The following MASP2 variants were observed in gnomAD, a reference collection of about 807,000 sequenced individuals.
The protein encoded by MASP2 is mannan-binding lectin serine protease 2.
In MASP2, 49 loss-of-function variants were observed where a neutral mutation model predicts 57.1. The observed-to-expected ratio is 0.86, with a 90% CI of 0.68 to 1.09. The LOEUF (loss-of-function observed/expected upper bound fraction) is 1.09. MASP2 is among the 50% of genes least tolerant of loss of function. The pLI is 0.00. For missense variants in MASP2, 900 were observed against 874.8 expected (o/e 1.03, Z -0.36); for synonymous variants, 379 against 340.8 (o/e 1.11, Z -1.24).
chr1:11,035,274 G>A (rs75943109), intron 7 of MASP2, among the ~76,000 whole-genome samples: 12,885 of 151,946 alleles, frequency 0.085, 1,137 homozygotes, highest in East Asian at 0.23. Context: ...CTGTAATCCC[G>A]ACACTCCTGG....
rs368813258 is a variant in MASP2 at position 11,030,844 on chromosome 1, G to A, written c.1126C>T (p.Arg376Ter). The A allele has an allele frequency of 9.9e-6, 16 of 1,613,680 alleles. No individual in the cohort carries two copies. The highest frequency in any genetic ancestry group is 9.9e-5 in the South Asian group (9 of 91,042). Residue 376 changes from arginine (R) to a stop codon, truncating the protein, a stop_gained, in exon 9 of 11, where the codon CGA becomes TGA. Coordinates refer to ENST00000400897, the MANE Select transcript of MASP2 (RefSeq NM_006610.4). LOFTEE classifies it high-confidence loss of function. ...CCAGGACCTGTGATGTACTCCACTC[G>A]GCCACTGGGTAGATCATCAGGAGGG... Reference protein sequence around the residue: ...CGPPDDLPSGRVEYITGPGVT... With the variant: ...CGPPDDLPSG
chr1:11,046,830 T>C, intron 2 of MASP2, 61 bp downstream of exon 2: 1 of 1,549,282 alleles, frequency 6.5e-7, no homozygotes, highest in Middle Eastern at 1.7e-4. Context: ...CCCTGAACCC[T>C]GGCTACTCCT....
At position 11,026,908 on chromosome 1, in the gene MASP2, C is replaced by T. The variant is rs762811177; in HGVS notation, c.2038G>A (p.Glu680Lys). Residue 680 changes from glutamate (E) to lysine (K), a missense_variant, in exon 11 of 11, where the codon GAG becomes AAG. Coordinates refer to ENST00000400897, the MANE Select transcript of MASP2 (RefSeq NM_006610.4). ...TKVINYIPWI[E>K]NIISDF is the part of the protein sequence containing the mutation. Reference sequence around the variant, plus strand: ...AGTTAAAAATCACTAATTATGTTCTCGATCCAGGGAATATAGTTAATAACT... The same window carrying T: ...AGTTAAAAATCACTAATTATGTTCTTGATCCAGGGAATATAGTTAATAACT... The T allele has an allele frequency of 4.0e-6, 6 of 1,484,972 alleles. No individual in the cohort carries two copies. Among genetic ancestry groups the T allele is most frequent in the East Asian group, 2.4e-5 (1 of 41,638 alleles). The allele number at this position is 1,484,972 out of a possible 1,614,324, so 92.0% of individuals were successfully genotyped here.
At position 11,030,856 on chromosome 1, in the gene MASP2, G is replaced by T. The variant is rs1300077073; in HGVS notation, c.1114C>A (p.Leu372Ile). 1 of 1,613,764 alleles carries T rather than the reference G, an allele frequency of 6.2e-7. No homozygotes were observed. The highest frequency in any genetic ancestry group is 1.7e-5 in the Admixed American group (1 of 59,936). ...SIVDCGPPDD[L>I]PSGRVEYITG... is the part of the protein sequence containing the mutation. Reference sequence around the variant, plus strand: ...ATGTACTCCACTCGGCCACTGGGTAGATCATCAGGAGGGCCACAGTCAACA... The same window carrying T: ...ATGTACTCCACTCGGCCACTGGGTATATCATCAGGAGGGCCACAGTCAACA... The change falls in exon 9 of 11, where the codon CTA becomes ATA. Residue 372 changes from leucine to isoleucine, a missense_variant. Leu to Ile is a conservative substitution (Grantham distance 5). Transcript: ENST00000400897.
rs1040889733 is a variant in MASP2, at chr1:11,031,935, CT to C, written c.1088-1054del. Reference sequence around the variant, plus strand: ...AAAACAAAAAATTCAGCTTATTCTTCTGATCCTTTTAATAAATTGAAGTTTT... The same window carrying C: ...AAAACAAAAAATTCAGCTTATTCTTCGATCCTTTTAATAAATTGAAGTTTT... On this transcript the variant is annotated intron_variant, in intron 8 of 10. Transcript: ENST00000400897. 4.3e-4 allele frequency among the ~76,000 whole-genome samples: 65 copies of C among 152,198 alleles called. 2 individuals carry two copies. Among genetic ancestry groups the C allele is most frequent in the Admixed American group, 3.8e-3 (58 of 15,284 alleles).
intron 9 of MASP2, 94 bp from the exon 10 acceptor site, chr1:11,030,344 G>A (rs1643823326): frequency 4.7e-6 from 4 of 842,782 alleles, no homozygotes; most frequent in Non-Finnish European, 3.9e-6. Context: ...TGATTCTTGA[G>A]CATCAGTGGG....
intron 7 of MASP2, among the ~76,000 whole-genome samples, chr1:11,036,549 GAAACT>G (rs1638244392): frequency 1.2e-5 from 1 of 84,752 alleles, no homozygotes; most frequent in Non-Finnish European, 2.5e-5. Flanking sequence ...AAAAAAAAAA[GAAACT>G]AAAGAAGTCT....
chr1:11,032,047 G>A (rs1643855026), intron 8 of MASP2, among the ~76,000 whole-genome samples: 1 of 152,102 alleles, frequency 6.6e-6, no homozygotes, highest in African/African-American at 2.4e-5. Flanking sequence ...AGGGCAGCCT[G>A]GGCAACATAG....
intron 5 of MASP2, 47 bp downstream of exon 5, chr1:11,043,292 G>C: frequency 6.6e-7 from 1 of 1,522,352 alleles, no homozygotes; most frequent in South Asian, 1.2e-5. Flanking sequence ...GTGCAGCTGG[G>C]CTGAGGGGGA....
At chr1:11,031,006 C>G (rs1643834980) in intron 8 of MASP2, 124 bp from the exon 9 acceptor site, 1 of 928,604 alleles carries the variant, frequency 1.1e-6, no homozygotes, top group Non-Finnish European at 1.6e-6. Flanking sequence ...AGTTTGAGAC[C>G]AGCCTGGGCA....
At chr1:11,044,339 A>C (rs1048427237) in intron 4 of MASP2, among the ~76,000 whole-genome samples, 4 of 152,060 alleles carry the variant, frequency 2.6e-5, no homozygotes, top group African/African-American at 9.7e-5. Context: ...TCCCCATCCC[A>C]TACCACCACC....
intron 5 of MASP2, 144 bp from the exon 6 acceptor site, chr1:11,043,166 C>A: frequency 4.0e-6 from 4 of 1,005,686 alleles, no homozygotes; most frequent in Admixed American, 2.3e-5. Flanking sequence ...CCCCACTCTG[C>A]CTCCCACACT....
At chr1:11,032,934 AATG>A (rs1643864527) in intron 8 of MASP2, among the ~76,000 whole-genome samples, 1 of 152,176 alleles carries the variant, frequency 6.6e-6, no homozygotes, top group Non-Finnish European at 1.5e-5. Context: ...ATTAAAAAGT[AATG>A]ATTATACTTG....
In MASP2 at chr1:11,045,393, G is replaced by A; in HGVS notation, c.544+15C>T. 1.9e-6 allele frequency: 3 copies of A among 1,612,774 alleles called. No homozygotes were observed. The highest frequency in any genetic ancestry group is 2.5e-6 in the Non-Finnish European group (3 of 1,179,960). On this transcript the variant is annotated intron_variant, in intron 4 of 10. Coordinates refer to ENST00000400897, the MANE Select transcript of MASP2 (RefSeq NM_006610.4). ...CCAGGAGAGGGTGCGTTGGGGCCCA[G>A]GCAGCCTCCCTCACCTGAGCAGGTG...
intron 4 of MASP2, among the ~76,000 whole-genome samples, chr1:11,043,836 G>T (rs1363616263): frequency 6.6e-6 from 1 of 151,880 alleles, no homozygotes; most frequent in African/African-American, 2.4e-5. Flanking sequence ...CCCCCAGGGA[G>T]CGTGGTGGTG....
chr1:11,029,407 AAT>A (rs1643801895), intron 10 of MASP2, among the ~76,000 whole-genome samples: 7 of 151,252 alleles, frequency 4.6e-5, no homozygotes, highest in African/African-American at 1.5e-4. Context: ...CTCAAAAAAT[AAT>A]AATAATAATT....
At chr1:11,042,483 A>T (rs933805452) in intron 6 of MASP2, among the ~76,000 whole-genome samples, 4 of 150,874 alleles carry the variant, frequency 2.7e-5, no homozygotes, top group African/African-American at 9.8e-5. Context: ...GCTGAATAGA[A>T]GGATGGATGG....
rs373455217 is a variant in MASP2, at chr1:11,034,825, T to C, written c.1087+3A>G. ...GGGGCCTGTAGTCACCACACGACCG[T>C]ACTGCTGCACGCGGGCATTGGCCGG... On this transcript the variant is annotated splice_donor_region_variant and intron_variant, in intron 8 of 10. Transcript: ENST00000400897. 4.4e-5 allele frequency: 71 copies of C among 1,610,300 alleles called. No individual in the cohort carries two copies. The highest frequency in any genetic ancestry group is 4.3e-4 in the African/African-American group (32 of 74,746).
rs192145314 is a variant in MASP2, at chr1:11,031,638, A to T, written c.1088-756T>A. ...TAAGGGTAGAAAAGGACACGATAGT[A>T]AGATTGGAGGAGCTGGGCTCGGTGG... is the stretch of plus-strand genomic sequence containing the variant. On this transcript the variant is annotated intron_variant, in intron 8 of 10. Transcript: ENST00000400897. 4.4e-3 allele frequency among the ~76,000 whole-genome samples: 669 copies of T among 152,068 alleles called. 2 individuals are homozygous for T. Among genetic ancestry groups the T allele is most frequent in the South Asian group, 7.9e-3 (38 of 4,788 alleles).
Sources: gnomAD v4.1 joint callset for allele counts (sites outside exome capture counted in the v4.1 genomes callset) on GRCh38, gnomAD v4.1.1 for gene constraint, MANE v1.5 for transcripts, NCBI Gene and HGNC (gene_info 2026-07-23, HGNC 2026-07-21) for gene names.